The following PPP2R3C variants were observed in gnomAD, a reference collection of about 807,000 sequenced individuals.
PPP2R3C encodes the protein protein phosphatase 2 regulatory subunit B''gamma.
PPP2R3C carries 47 observed loss-of-function variants against 63.7 expected under a neutral mutation model. The observed-to-expected ratio is 0.74, with a 90% CI of 0.58 to 0.94. PPP2R3C has a LOEUF of 0.94. PPP2R3C is among the 40% of genes least tolerant of loss of function. The probability of loss-of-function intolerance (pLI) is 0.00; values close to 1 mark genes in which losing one functional copy is unlikely to be tolerated. For synonymous variants in PPP2R3C, 180 were observed against 177.4 expected, an observed-to-expected ratio of 1.01 and a Z score of -0.12; for missense variants, 421 against 518.4, an observed-to-expected ratio of 0.81 and a Z score of 1.82.
At position 35,109,947 on chromosome 14, in the gene PPP2R3C, G is replaced by T. The variant is rs1308569823; in HGVS notation, c.292-16C>A. ...ACCATAAGTTCTTAAGAGAATTGTG[G>T]AAGTGAAGATGTTGTAAGTTAAAAA... On this transcript the variant is annotated splice_polypyrimidine_tract_variant and intron_variant, in intron 3 of 12. Coordinates refer to ENST00000261475, the MANE Select transcript of PPP2R3C (RefSeq NM_017917.4). The T allele has an allele frequency of 6.5e-7, 1 of 1,529,330 alleles. No individual in the cohort carries two copies. The highest frequency in any genetic ancestry group is 1.2e-5 in the South Asian group (1 of 85,300). 94.7% of individuals were successfully genotyped at this position (1,529,330 alleles called of 1,614,324 possible).
intron 10 of PPP2R3C, 59 bp from the exon 11 acceptor site, chr14:35,091,266 A>C (rs1019609975): frequency 4.8e-5 from 69 of 1,436,476 alleles, no homozygotes; most frequent in Non-Finnish European, 6.2e-5. Flanking sequence ...TTTCAAGTGA[A>C]TATCTTATGA....
chr14:35,120,349 A>T (rs1358390090), intron 1 of PPP2R3C, among the ~76,000 whole-genome samples: 1 of 151,330 alleles, frequency 6.6e-6, no homozygotes, highest in African/African-American at 2.4e-5. Context: ...GGTTGAAGGT[A>T]TTCTCCTGCC....
rs149578580 is a variant in PPP2R3C, at chr14:35,091,096, C to T, written c.1087G>A (p.Val363Ile). 4.9e-5 allele frequency: 79 copies of T among 1,605,440 alleles called. No individual in the cohort carries two copies. The African/African-American group carries it at 8.6e-4, about 17-fold the overall frequency. The change falls in exon 11 of 13, where the codon GTC becomes ATC. Residue 363 changes from valine (V) to isoleucine (I), a missense_variant. By Grantham distance (29) the Val-to-Ile change is conservative. Coordinates refer to ENST00000261475, the MANE Select transcript of PPP2R3C (RefSeq NM_017917.4). ...LDIENKGYLNVFSLNYFFRAI... is the reference protein window; with the variant it reads ...LDIENKGYLNIFSLNYFFRAI... ...CTAAAGAAATAATTAAGTGAAAAGA[C>T]ATTCAGGTATCCTTTGTTCTCAATA...
At chr14:35,094,560 G>C (rs937738064) in intron 10 of PPP2R3C, among the ~76,000 whole-genome samples, 1 of 150,822 alleles carries the variant, frequency 6.6e-6, no homozygotes, top group African/African-American at 2.4e-5. Flanking sequence ...TTTTCTATTT[G>C]CCCTGAGGCC....
At chr14:35,108,841 C>T (rs995094204) in intron 4 of PPP2R3C, among the ~76,000 whole-genome samples, 3 of 151,846 alleles carry the variant, frequency 2.0e-5, no homozygotes, top group South Asian at 2.1e-4. Context: ...AACTCCTGGC[C>T]TCAAGTGATC....
chr14:35,110,307 AC>A, intron 3 of PPP2R3C: 1 of 492,126 alleles, frequency 2.0e-6, no homozygotes, highest in Non-Finnish European at 3.6e-6. Flanking sequence ...CATTAGAATC[AC>A]CTAGGGCCTT....
intron 6 of PPP2R3C, chr14:35,100,224 T>C (rs894717014): frequency 5.9e-5 from 9 of 152,206 alleles, no homozygotes; most frequent in Non-Finnish European, 1.0e-4. Context: ...TTGGGACATT[T>C]AGTTTTTTCC....
intron 6 of PPP2R3C, among the ~76,000 whole-genome samples, chr14:35,106,959 A>G (rs2046384106): frequency 6.6e-6 from 1 of 152,124 alleles, no homozygotes; most frequent in Non-Finnish European, 1.5e-5. Context: ...GAGCTACCAC[A>G]CCCAGCATAA....
chr14:35,087,092 G>A (rs1482877778), intron 12 of PPP2R3C: 2 of 152,118 alleles, frequency 1.3e-5, no homozygotes, highest in Non-Finnish European at 2.9e-5. Context: ...GGAGAGGGGA[G>A]TTTTCTCTGG....
rs769353179 is a variant in PPP2R3C, at chr14:35,091,239, C to T, written c.976-32G>A. On this transcript the variant is annotated intron_variant, in intron 10 of 12. Transcript: ENST00000261475. Reference sequence around the variant, plus strand: ...AACAGAAAATAATGTTCATTAGAGGCCTTAGTTGAAATTAACTTTCAAGTG... The same window carrying T: ...AACAGAAAATAATGTTCATTAGAGGTCTTAGTTGAAATTAACTTTCAAGTG... 8 of 1,534,448 alleles carry T rather than the reference C, an allele frequency of 5.2e-6. No individual in the cohort carries two copies. The South Asian group carries it at 7.4e-5, about 14-fold the overall frequency.
chr14:35,120,931 G>A (rs1043007397), intron 1 of PPP2R3C, among the ~76,000 whole-genome samples: 6 of 151,908 alleles, frequency 3.9e-5, no homozygotes, highest in Non-Finnish European at 2.9e-5. Flanking sequence ...GGGCAACACA[G>A]GGAGATCCTG....
In PPP2R3C at chr14:35,117,946, G is replaced by A. The variant is rs552297193; in HGVS notation, c.59-1209C>T. 4.1e-4 allele frequency among the ~76,000 whole-genome samples: 62 copies of A among 152,000 alleles called. 1 individual carries two copies. The South Asian group carries it at 0.012, about 31-fold the overall frequency. ...TGACCTCAGGTGATCTGCCCACCTC[G>A]GCCTCCCAAAGTGCTGGGATTACAG... is the stretch of plus-strand genomic sequence containing the variant. On this transcript the variant is annotated intron_variant, in intron 1 of 12. Coordinates refer to ENST00000261475, the MANE Select transcript of PPP2R3C (RefSeq NM_017917.4).
At chr14:35,114,262 T>C (rs2046644497) in intron 2 of PPP2R3C, among the ~76,000 whole-genome samples, 1 of 152,228 alleles carries the variant, frequency 6.6e-6, no homozygotes. Context: ...GATGTTGTCA[T>C]GGGAAGAGAT....
At chr14:35,097,672 T>TG (rs2046041668) in intron 7 of PPP2R3C, among the ~76,000 whole-genome samples, 1 of 152,000 alleles carries the variant, frequency 6.6e-6, no homozygotes, top group African/African-American at 2.4e-5. Flanking sequence ...TTAGTAGAGA[T>TG]GGGGTTTCAC....
chr14:35,090,875 C>G (rs955831342), intron 11 of PPP2R3C, among the ~76,000 whole-genome samples, 195 bp downstream of exon 11: 1 of 152,084 alleles, frequency 6.6e-6, no homozygotes, highest in Non-Finnish European at 1.5e-5. Context: ...ACCACCACAC[C>G]TGGCTAATTT....
intron 10 of PPP2R3C, among the ~76,000 whole-genome samples, chr14:35,091,586 C>T (rs1424219827): frequency 2.0e-5 from 3 of 152,056 alleles, no homozygotes; most frequent in Non-Finnish European, 4.4e-5. Context: ...AAGCTGGTCT[C>T]GAACTCCCGA....
At chr14:35,090,281 G>C (rs1428659438) in intron 11 of PPP2R3C, among the ~76,000 whole-genome samples, 1 of 119,540 alleles carries the variant, frequency 8.4e-6, no homozygotes, top group East Asian at 2.5e-4. Context: ...TTGCTTTGCT[G>C]CCCAAGCTAG....
At chr14:35,118,444 C>T (rs936300926) in intron 1 of PPP2R3C, among the ~76,000 whole-genome samples, 1 of 152,126 alleles carries the variant, frequency 6.6e-6, no homozygotes, top group Non-Finnish European at 1.5e-5. Context: ...AGGTGCTGTA[C>T]AACCTATATA....
In PPP2R3C at chr14:35,109,949, A is replaced by G; in HGVS notation, c.292-18T>C. 6.6e-7 allele frequency: 1 copy of G among 1,523,538 alleles called. No homozygotes were observed. Among genetic ancestry groups the G allele is most frequent in the East Asian group, 2.3e-5 (1 of 44,144 alleles). 94.4% of individuals were successfully genotyped at this position (1,523,538 alleles called of 1,614,324 possible). A position where few individuals can be genotyped will look rare whatever the true frequency, so the allele number is the denominator to read the frequency against. ...CATAAGTTCTTAAGAGAATTGTGGA[A>G]GTGAAGATGTTGTAAGTTAAAAACA... On this transcript the variant is annotated intron_variant, in intron 3 of 12. Transcript: ENST00000261475.
Sources: gnomAD v4.1 joint callset for allele counts (sites outside exome capture counted in the v4.1 genomes callset) on GRCh38, gnomAD v4.1.1 for gene constraint, MANE v1.5 for transcripts, NCBI Gene and HGNC (gene_info 2026-07-23, HGNC 2026-07-21) for gene names.